IQSEC2: variants seen among roughly 807,000 people sequenced by gnomAD.
The protein encoded by IQSEC2 is IQ motif and Sec7 domain ArfGEF 2.
A neutral mutation model predicts 74.6 loss-of-function variants in IQSEC2; 6 were observed. The ratio of observed to expected loss-of-function variants is 0.08; its 90% CI spans 0.04 to 0.16. The LOEUF (loss-of-function observed/expected upper bound fraction) is 0.16. Among genes scored for constraint, IQSEC2 ranks in the 10% least tolerant of loss-of-function variants. IQSEC2 has a pLI of 1.00. For synonymous variants in IQSEC2, 494 were observed against 544.5 expected (o/e 0.91, Z 1.29); for missense variants, 734 against 1,306.2 (o/e 0.56, Z 6.75).
intron 11 of IQSEC2, 83 bp from the exon 12 acceptor site, chrX:53,238,389 CT>C (rs1242692911): frequency 8.4e-6 from 8 of 949,524 alleles, no homozygotes; most frequent in Non-Finnish European, 1.0e-5. Context: ...CTTTTCTGCT[CT>C]TTTTTTTCTG....
intron 1 of IQSEC2, among the ~76,000 whole-genome samples, chrX:53,300,611 G>A (rs1400912885): frequency 1.8e-5 from 2 of 111,650 alleles, no homozygotes; most frequent in South Asian, 3.7e-4. Context: ...ATGTGGTGAC[G>A]AAATTAATGA....
chrX:53,292,096 C>G (rs2075106520), intron 1 of IQSEC2, among the ~76,000 whole-genome samples, 172 bp from the exon 2 acceptor site: 1 of 112,001 alleles, frequency 8.9e-6, no homozygotes, highest in Non-Finnish European at 1.9e-5. Context: ...GGCCGAGAGA[C>G]AGTAGAGTGC....
intron 1 of IQSEC2, among the ~76,000 whole-genome samples, chrX:53,317,493 G>A (rs782278919): frequency 7.2e-5 from 8 of 111,836 alleles, no homozygotes; most frequent in African/African-American, 2.3e-4. Flanking sequence ...TGTAAGCTCT[G>A]GTGGGCTTCA....
At chrX:53,278,903 T>C (rs1199964694) in intron 2 of IQSEC2, among the ~76,000 whole-genome samples, 4 of 112,066 alleles carry the variant, frequency 3.6e-5, no homozygotes, top group African/African-American at 6.5e-5. Flanking sequence ...TCCAGCCGGG[T>C]GTGGTGGCTC....
Position 53,320,437 on chromosome X carries a change from C to G in IQSEC2, c.687G>C (p.Pro229=), listed in dbSNP as rs2146547926. 12 of 1,165,785 alleles carry G rather than the reference C, an allele frequency of 1.0e-5. No homozygotes were observed. Among genetic ancestry groups the G allele is most frequent in the Non-Finnish European group, 1.4e-5 (12 of 871,766 alleles). The change falls in exon 1 of 15, where the codon CCG becomes CCC. Residue 229 remains proline, a synonymous_variant. Coordinates refer to ENST00000642864, the MANE Select transcript of IQSEC2 (RefSeq NM_001111125.3). ...CTTACTTTCTCTGGAGGGTCGTGGC[C>G]GGGCTGGTGCTGGTACTGGTGCTGT... ...GGHSTSTSTS[P]ATTLQRKSDG...
chrX:53,243,347 A>G lies in IQSEC2; in HGVS notation c.2874T>C (p.Ile958=). The G allele has an allele frequency of 8.6e-7, 1 of 1,166,157 alleles. No individual in the cohort carries two copies. Among genetic ancestry groups the G allele is most frequent in the Non-Finnish European group, 1.1e-6 (1 of 872,514 alleles). Residue 958 remains isoleucine, a synonymous_variant, in exon 9 of 15, where the codon ATT becomes ATC. Coordinates refer to ENST00000642864, the MANE Select transcript of IQSEC2 (RefSeq NM_001111125.3). ...AGGCACTTACTGGTTTCTTTCCAAC[A>G]ATCATGCGCTCCACAGCCTGCACCT... ...VSQVQAVERM[I]VGKKPVLSLP...
At chrX:53,278,631 A>T (rs1363175211) in intron 2 of IQSEC2, among the ~76,000 whole-genome samples, 2 of 112,213 alleles carry the variant, frequency 1.8e-5, no homozygotes, top group Non-Finnish European at 3.8e-5. Flanking sequence ...GTTCTTTAAT[A>T]AAAGCAATTA....
downstream of IQSEC2, chrX:53,231,377 G>GTA (rs1874984376): frequency 8.9e-6 from 1 of 111,971 alleles, no homozygotes; most frequent in Admixed American, 9.4e-5. Flanking sequence ...TTGGGGAATA[G>GTA]TAAGTGGATG....
chrX:53,296,118 C>T (rs2075149933), intron 1 of IQSEC2, among the ~76,000 whole-genome samples: 2 of 109,010 alleles, frequency 1.8e-5, no homozygotes, highest in African/African-American at 6.7e-5. Flanking sequence ...TCACTGCAAC[C>T]TCCGCCTCCT....
intron 2 of IQSEC2, among the ~76,000 whole-genome samples, chrX:53,270,040 G>A (rs2074717100): frequency 9.1e-6 from 1 of 110,033 alleles, no homozygotes; most frequent in Non-Finnish European, 1.9e-5. Flanking sequence ...ATAACTTCAG[G>A]TGTAGATCCC....
intron 2 of IQSEC2, among the ~76,000 whole-genome samples, chrX:53,284,124 G>A (rs922697783): frequency 9.0e-5 from 10 of 111,141 alleles, no homozygotes; most frequent in Non-Finnish European, 1.3e-4. Context: ...TTTGGGACAG[G>A]CATGTGGGGT....
At position 53,321,308 on chromosome X, in the gene IQSEC2, A is replaced by G; in HGVS notation, c.-185T>C. On this transcript the variant is annotated 5_prime_UTR_variant, in exon 1 of 15. Coordinates refer to ENST00000642864, the MANE Select transcript of IQSEC2 (RefSeq NM_001111125.3). ...CGCTGGGGCCGGCGGCACGGGGAGC[A>G]GGAGCTGAGGCTGCCGCCGCCACCA... 3.5e-6 allele frequency: 1 copy of G among 283,124 alleles called. No individual in the cohort carries two copies. The highest frequency in any genetic ancestry group is 6.1e-6 in the Non-Finnish European group (1 of 164,741). 23.3% of individuals were successfully genotyped at this position (283,124 alleles called of 1,213,427 possible). A position where few individuals can be genotyped will look rare whatever the true frequency, so the allele number is the denominator to read the frequency against.
chrX:53,277,056 C>T (rs1272718199), intron 2 of IQSEC2, among the ~76,000 whole-genome samples: 4 of 109,494 alleles, frequency 3.7e-5, no homozygotes, highest in Non-Finnish European at 7.6e-5. Flanking sequence ...TTTGTTTAAA[C>T]CTGTCTAGTT....
intron 2 of IQSEC2, among the ~76,000 whole-genome samples, chrX:53,260,976 C>T (rs1038654518): frequency 2.5e-4 from 28 of 111,132 alleles, no homozygotes; most frequent in Admixed American, 2.5e-3. Flanking sequence ...TTTGGCAATT[C>T]CTCCCTTGAG....
At chrX:53,248,686 C>T in intron 6 of IQSEC2, 35 bp downstream of exon 6, 1 of 1,199,787 alleles carries the variant, frequency 8.3e-7, no homozygotes, top group Non-Finnish European at 1.1e-6. Flanking sequence ...TTCCAGGAAT[C>T]CCTGGCCCAG....
At chrX:53,235,610 A>T (rs1358038505) in intron 14 of IQSEC2, among the ~76,000 whole-genome samples, 173 bp downstream of exon 14, 1 of 111,613 alleles carries the variant, frequency 9.0e-6, no homozygotes, top group Non-Finnish European at 1.9e-5. Context: ...AGAGACAGGC[A>T]GAATGAGGAC....
At chrX:53,238,079 G>A in intron 12 of IQSEC2, 66 bp downstream of exon 12, 1 of 1,097,363 alleles carries the variant, frequency 9.1e-7, no homozygotes, top group South Asian at 2.0e-5. Flanking sequence ...TCTGAGGATA[G>A]GATTCTTGGT....
rs1342051756 is a variant in IQSEC2 at position 53,272,121 on chromosome X, C to T, written c.738-16060G>A. Among the ~76,000 whole-genome samples, 6 of 110,400 alleles carry T rather than the reference C, an allele frequency of 5.4e-5. No individual in the cohort carries two copies. The Admixed American group carries it at 5.8e-4, about 11-fold the overall frequency. ...CCTTCTGTCCCTGGCTCTTACTTAA[C>T]CTTTAAGACCCAGCTCTTAGGCTGA... On this transcript the variant is annotated intron_variant, in intron 2 of 14. Coordinates refer to ENST00000642864, the MANE Select transcript of IQSEC2 (RefSeq NM_001111125.3).
At chrX:53,316,646 C>T (rs1044413771) in intron 1 of IQSEC2, among the ~76,000 whole-genome samples, 3 of 110,880 alleles carry the variant, frequency 2.7e-5, no homozygotes, top group African/African-American at 9.8e-5. Context: ...CACAGAGAGA[C>T]CCCGTCTCTG....
Sources: allele counts gnomAD v4.1 joint callset (sites outside exome capture counted in the v4.1 genomes callset), GRCh38; gene constraint gnomAD v4.1.1; transcripts MANE v1.5; gene names NCBI Gene and HGNC (gene_info 2026-07-23, HGNC 2026-07-21).